Variants in TSHR observed in about 807,000 individuals in gnomAD.
TSHR encodes the protein thyrotropin receptor.
TSHR carries 51 observed loss-of-function variants against 64.1 expected under a neutral mutation model. The observed-to-expected ratio is 0.80, with a 90% CI of 0.64 to 1.01. TSHR has a LOEUF of 1.01. Ranked by LOEUF, TSHR falls within the 50% of genes least tolerant of loss-of-function variation. TSHR has a pLI of 0.00. For missense variants in TSHR, 877 were observed against 942.8 expected (o/e 0.93, Z 0.91); for synonymous variants, 361 against 361.9 (o/e 1.00, Z 0.03).
intron 1 of TSHR, among the ~76,000 whole-genome samples, chr14:80,986,933 A>C (rs1278232452): frequency 6.6e-6 from 1 of 152,250 alleles, no homozygotes; most frequent in Non-Finnish European, 1.5e-5. Context: ...CACATTGCAG[A>C]AACAAGATTA....
intron 3 of TSHR, among the ~76,000 whole-genome samples, chr14:81,070,552 G>A (rs1886984640): frequency 6.6e-6 from 1 of 150,430 alleles, no homozygotes; most frequent in Admixed American, 6.6e-5. Context: ...CTTGAACCTG[G>A]GCGGGAGAGG....
rs547587663 is a variant in TSHR at position 80,990,256 on chromosome 14, G to A, written c.170+34406G>A. 3.9e-5 allele frequency among the ~76,000 whole-genome samples: 6 copies of A among 152,362 alleles called. No homozygotes were observed. In the South Asian group the frequency reaches 1.2e-3, roughly 32 times the overall value. ...TCCCAGCGAACCTGGAAACCCAGCAGGGAATGTGGCAAGTGGTCTGTACAT... is the reference window on the plus strand; with the variant it reads ...TCCCAGCGAACCTGGAAACCCAGCAAGGAATGTGGCAAGTGGTCTGTACAT... On this transcript the variant is annotated intron_variant, in intron 1 of 9. Coordinates refer to ENST00000298171, the MANE Select transcript of TSHR (RefSeq NM_000369.5).
At chr14:81,028,496 G>A (rs566590406) in intron 1 of TSHR, among the ~76,000 whole-genome samples, 3 of 151,972 alleles carry the variant, frequency 2.0e-5, no homozygotes, top group Admixed American at 6.5e-5. Flanking sequence ...CCTACATTGA[G>A]TTGGGATCCC....
At chr14:81,065,400 T>C (rs1333284688) in intron 2 of TSHR, among the ~76,000 whole-genome samples, 2 of 152,212 alleles carry the variant, frequency 1.3e-5, no homozygotes, top group Non-Finnish European at 2.9e-5. Flanking sequence ...CTTATCAAAT[T>C]ATTAAAGGAT....
intron 1 of TSHR, among the ~76,000 whole-genome samples, chr14:80,964,996 C>T (rs916440853): frequency 6.6e-6 from 1 of 152,132 alleles, no homozygotes; most frequent in Admixed American, 6.6e-5. Flanking sequence ...AAAAGTAAGA[C>T]GAAACTGTTT....
At position 81,096,666 on chromosome 14, in the gene TSHR, A is replaced by T. The variant is rs551188862; in HGVS notation, c.573A>T (p.Ser191=). ...AGCTGTACAACAATGGCTTTACTTC[A>T]GTCCAAGGATATGCTTTCAATGGGA... The part of the protein sequence containing the change: ...TLKLYNNGFT[S]VQGYAFNGTK... The change falls in exon 7 of 10, where the codon TCA becomes TCT. Residue 191 remains serine (S), a synonymous_variant. Transcript: ENST00000298171. The T allele has an allele frequency of 6.2e-7, 1 of 1,613,912 alleles. No homozygotes were observed. The highest frequency in any genetic ancestry group is 1.1e-5 in the South Asian group (1 of 91,082).
At chr14:80,957,423 C>T (rs915540981) in intron 1 of TSHR, among the ~76,000 whole-genome samples, 1 of 151,444 alleles carries the variant, frequency 6.6e-6, no homozygotes, top group Admixed American at 6.6e-5. Flanking sequence ...CATTCAACCC[C>T]GAATTCCTGA....
chr14:81,067,193 T>G (rs1273558811), intron 2 of TSHR, among the ~76,000 whole-genome samples: 1 of 152,162 alleles, frequency 6.6e-6, no homozygotes, highest in Non-Finnish European at 1.5e-5. Flanking sequence ...TGAAACTACA[T>G]GTCTAATTCC....
At chr14:81,015,914 C>T (rs1267050523) in intron 1 of TSHR, among the ~76,000 whole-genome samples, 4 of 152,030 alleles carry the variant, frequency 2.6e-5, no homozygotes, top group South Asian at 2.1e-4. Context: ...CTTAACATAA[C>T]GTCCTCTAGT....
At chr14:80,962,533 CAACTT>C (rs1192865917) in intron 1 of TSHR, among the ~76,000 whole-genome samples, 1 of 152,202 alleles carries the variant, frequency 6.6e-6, no homozygotes, top group Admixed American at 6.5e-5. Flanking sequence ...ACTATGGACT[CAACTT>C]AACTCATTAC....
intron 4 of TSHR, among the ~76,000 whole-genome samples, chr14:81,090,662 CTT>C (rs1888657296): frequency 6.6e-6 from 1 of 152,142 alleles, no homozygotes; most frequent in East Asian, 1.9e-4. Flanking sequence ...AGGAAGCTGG[CTT>C]AAAGTCATCA....
chr14:80,958,688 A>G (rs1886849075), intron 1 of TSHR, among the ~76,000 whole-genome samples: 2 of 152,048 alleles, frequency 1.3e-5, no homozygotes, highest in Non-Finnish European at 2.9e-5. Context: ...GACAAGAAAG[A>G]TCTAAGTTAT....
intron 1 of TSHR, among the ~76,000 whole-genome samples, chr14:80,966,047 T>C (rs558579197): frequency 3.3e-5 from 5 of 152,344 alleles, no homozygotes; most frequent in Non-Finnish European, 5.9e-5. Flanking sequence ...ATCTCTGTAT[T>C]TATATGACAC....
At chr14:81,088,506 T>C (rs1435346093) in intron 4 of TSHR, among the ~76,000 whole-genome samples, 1 of 152,136 alleles carries the variant, frequency 6.6e-6, no homozygotes, top group African/African-American at 2.4e-5. Flanking sequence ...ACTCACTGCT[T>C]TGCTTTGAAA....
intron 8 of TSHR, among the ~76,000 whole-genome samples, chr14:81,125,624 A>T (rs943806566): frequency 6.6e-6 from 1 of 151,946 alleles, no homozygotes; most frequent in African/African-American, 2.4e-5. Context: ...GAGCTCCTTG[A>T]CTTTCTTTCT....
At chr14:81,044,614 C>A (rs113694854) in intron 1 of TSHR, among the ~76,000 whole-genome samples, 2 of 149,530 alleles carry the variant, frequency 1.3e-5, no homozygotes. Context: ...GCCGAGATTG[C>A]GCCACTGCAC....
chr14:81,081,209 T>C (rs1887878930), intron 3 of TSHR, among the ~76,000 whole-genome samples: 1 of 152,176 alleles, frequency 6.6e-6, no homozygotes, highest in African/African-American at 2.4e-5. Context: ...TCTGTTGCTA[T>C]AGACAATTTA....
intron 6 of TSHR, among the ~76,000 whole-genome samples, chr14:81,094,541 T>C (rs537506484): frequency 3.5e-4 from 54 of 152,246 alleles, no homozygotes; most frequent in Non-Finnish European, 7.1e-4. Context: ...TTAAACTCGC[T>C]ATGTAATTAT....
intron 5 of TSHR, among the ~76,000 whole-genome samples, chr14:81,091,992 G>GA (rs573790846): frequency 5.9e-5 from 9 of 151,666 alleles, no homozygotes; most frequent in Admixed American, 2.6e-4. Context: ...GGTTTTGCTA[G>GA]AAAAAAAAAT....
Sources: gnomAD v4.1 joint callset for allele counts (sites outside exome capture counted in the v4.1 genomes callset) on GRCh38, gnomAD v4.1.1 for gene constraint, MANE v1.5 for transcripts, NCBI Gene and HGNC (gene_info 2026-07-23, HGNC 2026-07-21) for gene names.